Variants in KANSL3 observed in about 807,000 individuals in gnomAD.
KANSL3 encodes the protein NSL complex protein NSL3.
KANSL3 carries 16 observed loss-of-function variants against 89.2 expected under a neutral mutation model. The ratio of observed to expected loss-of-function variants is 0.18; its 90% CI spans 0.12 to 0.27. The LOEUF (loss-of-function observed/expected upper bound fraction) is 0.27, where lower values mean the gene tolerates loss of function less well. Ranked by LOEUF, KANSL3 falls within the 10% of genes least tolerant of loss-of-function variation. The probability of loss-of-function intolerance (pLI) is 1.00; values close to 1 mark genes in which losing one functional copy is unlikely to be tolerated. For missense variants in KANSL3, 879 were observed against 1,110.6 expected (o/e 0.79, Z 2.96); for synonymous variants, 385 against 419.7 (o/e 0.92, Z 1.01).
At position 96,595,445 on chromosome 2, in the gene KANSL3, C is replaced by T. The variant is rs1454316265; in HGVS notation, c.*166G>A. 1.6e-6 allele frequency: 1 copy of T among 626,334 alleles called. No homozygotes were observed. Among genetic ancestry groups the T allele is most frequent in the Non-Finnish European group, 2.8e-6 (1 of 362,488 alleles). 38.8% of individuals were successfully genotyped at this position (626,334 alleles called of 1,614,324 possible). On this transcript the variant is annotated 3_prime_UTR_variant, in exon 21 of 21. Transcript: ENST00000431828. ...TGCTTCCCTTGCTGGCACCGTATCACCTAACCTAATGGTTTCTCTGAAGAC... is the reference window on the plus strand; with the variant it reads ...TGCTTCCCTTGCTGGCACCGTATCATCTAACCTAATGGTTTCTCTGAAGAC...
At chr2:96,601,376 A>G (rs1438404094) in intron 20 of KANSL3, 1 of 985,406 alleles carries the variant, frequency 1.0e-6, no homozygotes, top group East Asian at 1.1e-4. Context: ...AAGGAAAAGT[A>G]AACAAAAACA....
chr2:96,622,247 G>C (rs985774829), intron 3 of KANSL3, among the ~76,000 whole-genome samples: 4 of 152,054 alleles, frequency 2.6e-5, no homozygotes, highest in African/African-American at 4.8e-5. Context: ...AACAAAGTGA[G>C]ACCTTGTCTA....
At chr2:96,603,633 C>G (rs1010552838) in intron 17 of KANSL3, 20 of 152,536 alleles carry the variant, frequency 1.3e-4, no homozygotes, top group Admixed American at 1.2e-3. Context: ...AGGCAACAGG[C>G]CTTTCAAAGT....
chr2:96,619,830 A>G (rs1181871058), intron 3 of KANSL3, 68 bp from the exon 4 acceptor site: 4 of 1,211,786 alleles, frequency 3.3e-6, no homozygotes, highest in Non-Finnish European at 4.7e-6. Context: ...TACACCATAT[A>G]AAGAAGATTA....
At chr2:96,587,494 C>T in the KANSL3 span, among the ~76,000 whole-genome samples, 1 of 152,186 alleles carries the variant, frequency 6.6e-6, no homozygotes. Context: ...CCTAGACTTC[C>T]ACCCCATCTG....
chr2:96,620,008 AC>A (rs1487816331), intron 3 of KANSL3, among the ~76,000 whole-genome samples: 2 of 152,304 alleles, frequency 1.3e-5, no homozygotes, highest in East Asian at 3.9e-4. Flanking sequence ...AATAATATAC[AC>A]AGTACAAGTC....
intron 2 of KANSL3, among the ~76,000 whole-genome samples, chr2:96,636,459 T>C (rs1156944718): frequency 6.6e-6 from 1 of 152,216 alleles, no homozygotes; most frequent in Non-Finnish European, 1.5e-5. Context: ...AAGCAACGTC[T>C]TGGGAATTGG....
At chr2:96,626,201 CA>C (rs1242979944) in intron 3 of KANSL3, among the ~76,000 whole-genome samples, 2 of 152,126 alleles carry the variant, frequency 1.3e-5, no homozygotes, top group Admixed American at 6.6e-5. Context: ...ATTAATTCAA[CA>C]TTAAAATATC....
chr2:96,609,591 C>CT, intron 11 of KANSL3, 29 bp from the exon 12 acceptor site: 1 of 1,566,294 alleles, frequency 6.4e-7, no homozygotes, highest in Non-Finnish European at 8.8e-7. Context: ...GACATGTTTA[C>CT]TTCTTACACA....
At chr2:96,581,746 A>C in the KANSL3 span, among the ~76,000 whole-genome samples, 1 of 152,178 alleles carries the variant, frequency 6.6e-6, no homozygotes, top group Non-Finnish European at 1.5e-5. Context: ...GTACTTCTAA[A>C]TGTTTCTTTC....
intron 12 of KANSL3, 63 bp from the exon 13 acceptor site, chr2:96,609,127 T>C: frequency 7.2e-7 from 1 of 1,393,142 alleles, no homozygotes. Context: ...GAACCTCTCA[T>C]ATACTTTCCA....
At chr2:96,592,184 C>T (rs543107581), downstream of KANSL3, among the ~76,000 whole-genome samples, 4 of 152,176 alleles carry the variant, frequency 2.6e-5, no homozygotes, top group South Asian at 8.3e-4. Context: ...GAGGGTAACA[C>T]GATGTGCCCA....
chr2:96,600,175 A>G (rs1459456531), intron 20 of KANSL3, among the ~76,000 whole-genome samples: 2 of 152,220 alleles, frequency 1.3e-5, no homozygotes, highest in Non-Finnish European at 2.9e-5. Context: ...TTATAAAAAA[A>G]GGCAAGTTAC....
chr2:96,628,169 T>C, intron 3 of KANSL3: 1 of 1,286,490 alleles, frequency 7.8e-7, no homozygotes, highest in African/African-American at 1.5e-5. Flanking sequence ...GCCTATTCCG[T>C]GGACTCATCT....
chr2:96,632,342 C>T (rs1284067361), intron 2 of KANSL3, among the ~76,000 whole-genome samples: 2 of 151,934 alleles, frequency 1.3e-5, no homozygotes, highest in African/African-American at 2.4e-5. Flanking sequence ...TGGTATGCGC[C>T]TGCAGTCCCA....
At chr2:96,618,832 AAC>A (rs1383822245) in intron 5 of KANSL3, among the ~76,000 whole-genome samples, 1 of 152,242 alleles carries the variant, frequency 6.6e-6, no homozygotes, top group Non-Finnish European at 1.5e-5. Flanking sequence ...CACCAAGAAA[AAC>A]AGTTTAACTT....
chr2:96,621,988 C>T (rs1009179724), intron 3 of KANSL3, among the ~76,000 whole-genome samples: 1 of 152,236 alleles, frequency 6.6e-6, no homozygotes, highest in African/African-American at 2.4e-5. Context: ...GTGGCACACG[C>T]CTGTAGTCCC....
chr2:96,604,467 G>A (rs1482993379), intron 16 of KANSL3, 87 bp from the exon 17 acceptor site: 2 of 1,485,402 alleles, frequency 1.3e-6, no homozygotes, highest in African/African-American at 2.8e-5. Flanking sequence ...GTGGGGCCCA[G>A]CAAGGCTTTC....
chr2:96,608,465 C>T (rs765825867), intron 14 of KANSL3, 43 bp downstream of exon 14: 4 of 1,607,922 alleles, frequency 2.5e-6, no homozygotes, highest in Non-Finnish European at 2.6e-6. Context: ...ACATGAACTA[C>T]AGAAGACAGA....
Sources: gnomAD v4.1 joint callset for allele counts (sites outside exome capture counted in the v4.1 genomes callset) on GRCh38, gnomAD v4.1.1 for gene constraint, MANE v1.5 for transcripts, NCBI Gene and HGNC (gene_info 2026-07-23, HGNC 2026-07-21) for gene names.